LRCH1: variants seen among roughly 807,000 people sequenced by gnomAD.
LRCH1 encodes leucine-rich repeat and calponin homology domain-containing protein 1.
A neutral mutation model predicts 94.9 loss-of-function variants in LRCH1; 23 were observed. That is an observed-to-expected ratio of 0.24 (90% CI 0.17 to 0.34). The LOEUF is 0.34. Among genes scored for constraint, LRCH1 ranks in the 10% least tolerant of loss-of-function variants. The pLI is 1.00. For missense variants in LRCH1, 790 were observed against 945.9 expected (o/e 0.84, Z 2.16); for synonymous variants, 364 against 354.9 (o/e 1.03, Z -0.29).
chr13:46,639,903 T>C (rs2051138188), intron 1 of LRCH1, among the ~76,000 whole-genome samples: 1 of 152,182 alleles, frequency 6.6e-6, no homozygotes, highest in African/African-American at 2.4e-5. Flanking sequence ...ACTCAGAGAG[T>C]ATCAGAGGAG....
chr13:46,630,150 A>G (rs1352010430), intron 1 of LRCH1, among the ~76,000 whole-genome samples: 1 of 152,106 alleles, frequency 6.6e-6, no homozygotes, highest in Admixed American at 6.5e-5. Flanking sequence ...CTTGCCACTC[A>G]CTCAATGACT....
chr13:46,593,283 CTTTTTTTT>C (rs34821427), intron 1 of LRCH1, among the ~76,000 whole-genome samples: 3 of 92,202 alleles, frequency 3.3e-5, no homozygotes, highest in African/African-American at 8.4e-5. Context: ...TCTTTCTTTC[CTTTTTTTT>C]TTTTTTTTTT....
chr13:46,562,736 C>T (rs1054336635), intron 1 of LRCH1, among the ~76,000 whole-genome samples: 3 of 152,166 alleles, frequency 2.0e-5, no homozygotes, highest in Non-Finnish European at 2.9e-5. Context: ...TGAGGCTGCC[C>T]TCAATGCTGC....
intron 1 of LRCH1, among the ~76,000 whole-genome samples, chr13:46,583,906 G>A (rs9534433): frequency 0.78 from 118,324 of 151,756 alleles, 46,314 homozygotes; most frequent in East Asian, 0.91. Context: ...GATTACAGGC[G>A]TGAGCCACTG....
rs753281286 is a variant in LRCH1, at chr13:46,744,662, G to C, written c.*2814G>C. ...ATTAAAACTAGCGCGTGGTGAGCTG[G>C]GTTATCTCTCGAAAACTCATGTAGA... On this transcript the variant is annotated 3_prime_UTR_variant, in exon 20 of 20. Coordinates refer to ENST00000389797, the MANE Select transcript of LRCH1 (RefSeq NM_001164211.2). 14 of 985,320 alleles carry C rather than the reference G, an allele frequency of 1.4e-5. No individual in the cohort carries two copies. Among genetic ancestry groups the C allele is most frequent in the Non-Finnish European group, 1.7e-5 (14 of 829,908 alleles). 61.0% of individuals were successfully genotyped at this position (985,320 alleles called of 1,614,324 possible).
At chr13:46,632,448 G>A (rs117416061) in intron 1 of LRCH1, among the ~76,000 whole-genome samples, 1,628 of 152,176 alleles carry the variant, frequency 0.011, 44 homozygotes, top group East Asian at 0.082. Context: ...TGGTAACACT[G>A]GATAATTTTT....
intron 5 of LRCH1, among the ~76,000 whole-genome samples, chr13:46,687,540 TCAC>T (rs1566226560): frequency 6.6e-6 from 1 of 152,264 alleles, no homozygotes; most frequent in African/African-American, 2.4e-5. Flanking sequence ...AACTGGAATT[TCAC>T]CAGGCTGGTC....
rs1430901324 is a variant in LRCH1, at chr13:46,705,256, T to TTG, written c.1491-10_1491-9dup. ...ACTTTGTATCTTTTTTTTTCTTTCC[T>TTG]TGTTCTCACAGTGGTCAAATACAGC... On this transcript the variant is annotated splice_polypyrimidine_tract_variant and intron_variant, in intron 12 of 19. Transcript: ENST00000389797. 3.1e-6 allele frequency: 5 copies of TTG among 1,608,170 alleles called. No homozygotes were observed. The African/African-American group carries it at 5.4e-5, about 17-fold the overall frequency.
intron 1 of LRCH1, among the ~76,000 whole-genome samples, chr13:46,582,985 A>T (rs1167609012): frequency 6.6e-6 from 1 of 152,124 alleles, no homozygotes; most frequent in East Asian, 1.9e-4. Flanking sequence ...GCAGGAAAAG[A>T]CTACATTTCT....
chr13:46,660,187 AT>A, intron 2 of LRCH1, among the ~76,000 whole-genome samples: 1 of 150,514 alleles, frequency 6.6e-6, no homozygotes, highest in Non-Finnish European at 1.5e-5. Flanking sequence ...AATTTTTTGT[AT>A]TTTTTTTAGT....
intron 19 of LRCH1, 61 bp from the exon 20 acceptor site, chr13:46,741,581 T>G: frequency 9.4e-6 from 15 of 1,603,318 alleles, no homozygotes; most frequent in Non-Finnish European, 1.3e-5. Context: ...TAGCTGTTCC[T>G]CCGTGTATTT....
At chr13:46,702,690 A>G (rs1871545206) in intron 11 of LRCH1, among the ~76,000 whole-genome samples, 1 of 152,174 alleles carries the variant, frequency 6.6e-6, no homozygotes, top group South Asian at 2.1e-4. Flanking sequence ...CAAGAAAAAG[A>G]GAAATTCTGG....
intron 1 of LRCH1, among the ~76,000 whole-genome samples, chr13:46,594,159 G>A (rs762076315): frequency 3.3e-5 from 5 of 150,750 alleles, no homozygotes; most frequent in Non-Finnish European, 5.9e-5. Context: ...TCTGAGTCCC[G>A]AAAACAAGTC....
chr13:46,712,413 G>T, intron 14 of LRCH1, 112 bp from the exon 15 acceptor site: 1 of 779,508 alleles, frequency 1.3e-6, no homozygotes, highest in South Asian at 1.7e-5. Context: ...ACACAGCAGC[G>T]AATGCAAAAA....
chr13:46,647,615 T>A (rs901637612), intron 1 of LRCH1, among the ~76,000 whole-genome samples: 1 of 152,196 alleles, frequency 6.6e-6, no homozygotes, highest in African/African-American at 2.4e-5. Flanking sequence ...AATGCCATAC[T>A]TTTTTGTGTG....
intron 3 of LRCH1, among the ~76,000 whole-genome samples, chr13:46,674,600 T>C (rs2051646111): frequency 6.6e-6 from 1 of 152,252 alleles, no homozygotes; most frequent in Non-Finnish European, 1.5e-5. Context: ...GCAGTATGGA[T>C]ATGTTGCTTT....
Position 46,670,938 on chromosome 13 carries a change from T to C in LRCH1, c.579+1782T>C, listed in dbSNP as rs113953069. ...CCGTTTAATCCTGCTGAAGTCTAGG[T>C]AGATAGAATGGGGCTGGGCACACCC... is the stretch of plus-strand genomic sequence containing the variant. On this transcript the variant is annotated intron_variant, in intron 3 of 19. Transcript: ENST00000389797. Among the ~76,000 whole-genome samples, 733 of 152,234 alleles carry C rather than the reference T, an allele frequency of 4.8e-3. 12 individuals are homozygous for C. The highest frequency in any genetic ancestry group is 0.017 in the African/African-American group (711 of 41,542).
intron 17 of LRCH1, 125 bp from the exon 18 acceptor site, chr13:46,728,722 G>T: frequency 1.1e-6 from 1 of 881,780 alleles, no homozygotes. Flanking sequence ...GTGTTTTCTA[G>T]GCATTGTTAT....
chr13:46,648,244 A>G (rs374183873), intron 1 of LRCH1, among the ~76,000 whole-genome samples: 47 of 152,282 alleles, frequency 3.1e-4, no homozygotes, highest in African/African-American at 5.1e-4. Context: ...TGAGAATTCA[A>G]TGCCCCAGCT....
Sources: gnomAD v4.1 joint callset for allele counts (sites outside exome capture counted in the v4.1 genomes callset) on GRCh38, gnomAD v4.1.1 for gene constraint, MANE v1.5 for transcripts, NCBI Gene and HGNC (gene_info 2026-07-23, HGNC 2026-07-21) for gene names.